Variants in EXOC4 observed in about 807,000 individuals in gnomAD.
EXOC4 encodes the protein exocyst complex component 4, also known as SEC8-like 1.
A neutral mutation model predicts 107.2 loss-of-function variants in EXOC4; 71 were observed. The observed-to-expected ratio is 0.66, with a 90% confidence interval of 0.55 to 0.81. EXOC4 has a LOEUF of 0.81. Among genes scored for constraint, EXOC4 ranks in the 30% least tolerant of loss-of-function variants. EXOC4 has a pLI of 0.00. For missense variants in EXOC4, 1,108 were observed against 1,189.6 expected (o/e 0.93, Z 1.01); for synonymous variants, 456 against 441.2 (o/e 1.03, Z -0.42).
Position 133,712,286 on chromosome 7 carries a change from G to A in EXOC4, c.1514+82145G>A, listed in dbSNP as rs184748676. Among the ~76,000 whole-genome samples the A allele has an allele frequency of 5.3e-3, 800 of 151,574 alleles. 7 individuals carry two copies. The highest frequency in any genetic ancestry group is 0.018 in the African/African-American group (743 of 41,356). On this transcript the variant is annotated intron_variant, in intron 10 of 17. Transcript: ENST00000253861. ...GAAACTCCATCTCTACTAAAAATAC[G>A]AAATTAGCTGGGCATGGTGGTACAT...
At chr7:133,536,545 G>C (rs1203541114) in intron 9 of EXOC4, among the ~76,000 whole-genome samples, 2 of 151,332 alleles carry the variant, frequency 1.3e-5, no homozygotes, top group African/African-American at 4.9e-5. Context: ...TATTTTATCT[G>C]TTCTTGTTTC....
intron 9 of EXOC4, among the ~76,000 whole-genome samples, chr7:133,618,229 A>G (rs974458253): frequency 1.9e-4 from 29 of 151,606 alleles, no homozygotes; most frequent in Admixed American, 1.8e-3. Flanking sequence ...AGTTATATAT[A>G]TATATTTATG....
At position 133,450,037 on chromosome 7, in the gene EXOC4, C is replaced by T. The variant is rs149225885; in HGVS notation, c.1183-25291C>T. 2.0e-5 allele frequency among the ~76,000 whole-genome samples: 3 copies of T among 152,220 alleles called. No homozygotes were observed. In the East Asian group the frequency reaches 5.8e-4, roughly 29 times the overall value. On this transcript the variant is annotated intron_variant, in intron 7 of 17. Transcript: ENST00000253861. The stretch of plus-strand genomic sequence containing the variant: ...CCCTTGTCCCCTCTTTAAAAAAAAT[C>T]TTATCCTGGTATCTTTTCCTTCCAG...
intron 4 of EXOC4, among the ~76,000 whole-genome samples, chr7:133,308,689 A>G (rs759421316): frequency 6.6e-5 from 10 of 152,220 alleles, no homozygotes; most frequent in Non-Finnish European, 1.2e-4. Context: ...CTGCAAGTTG[A>G]AAGAATTTAA....
At chr7:133,689,689 C>G (rs1486096226) in intron 10 of EXOC4, among the ~76,000 whole-genome samples, 1 of 152,126 alleles carries the variant, frequency 6.6e-6, no homozygotes, top group Non-Finnish European at 1.5e-5. Flanking sequence ...CTCAACTAAC[C>G]CAGTAGGATT....
At chr7:133,875,149 T>C (rs1314457221) in intron 11 of EXOC4, among the ~76,000 whole-genome samples, 1 of 152,206 alleles carries the variant, frequency 6.6e-6, no homozygotes, top group African/African-American at 2.4e-5. Flanking sequence ...TTTTCTAGTG[T>C]TATACTTGTT....
intron 11 of EXOC4, among the ~76,000 whole-genome samples, chr7:133,838,226 G>A (rs983516085): frequency 6.6e-6 from 1 of 152,182 alleles, no homozygotes; most frequent in Non-Finnish European, 1.5e-5. Context: ...TAGAGAGAAT[G>A]ATATGGGGCC....
chr7:133,767,420 T>C (rs993957359), intron 10 of EXOC4, among the ~76,000 whole-genome samples: 2 of 151,790 alleles, frequency 1.3e-5, no homozygotes, highest in East Asian at 3.9e-4. Context: ...TAGGCTCCAA[T>C]TAAACAGTGG....
rs1031390356 is a variant in EXOC4 at position 133,673,902 on chromosome 7, A to T, written c.1514+43761A>T. Among the ~76,000 whole-genome samples, 3 of 152,200 alleles carry T rather than the reference A, an allele frequency of 2.0e-5. No individual in the cohort carries two copies. In the South Asian group the frequency reaches 6.2e-4, roughly 32 times the overall value. On this transcript the variant is annotated intron_variant, in intron 10 of 17. Transcript: ENST00000253861. ...TAATTGACAAAGAACATGCATCCTC[A>T]TTCCTATTGTTAAAGCCACTCACAG...
intron 10 of EXOC4, among the ~76,000 whole-genome samples, chr7:133,712,069 A>G (rs73150889): frequency 0.077 from 11,681 of 152,182 alleles, 510 homozygotes; most frequent in Middle Eastern, 0.13. Context: ...TACCACAGTA[A>G]GGTGTTACTT....
At chr7:133,443,441 G>A (rs528496877) in intron 7 of EXOC4, among the ~76,000 whole-genome samples, 1 of 152,280 alleles carries the variant, frequency 6.6e-6, no homozygotes, top group East Asian at 1.9e-4. Context: ...AAATCAGCCT[G>A]TAGATCTGTG....
chr7:133,828,941 T>C (rs1797754887), intron 11 of EXOC4, among the ~76,000 whole-genome samples: 1 of 152,100 alleles, frequency 6.6e-6, no homozygotes, highest in Non-Finnish European at 1.5e-5. Flanking sequence ...AAAGGACACT[T>C]TATAATTGAG....
At chr7:133,789,994 A>G (rs1409434255) in intron 10 of EXOC4, among the ~76,000 whole-genome samples, 1 of 152,154 alleles carries the variant, frequency 6.6e-6, no homozygotes, top group Admixed American at 6.6e-5. Flanking sequence ...TAGATGAAAT[A>G]TATATTCTCA....
intron 1 of EXOC4, among the ~76,000 whole-genome samples, chr7:133,268,256 T>G (rs1289462240): frequency 6.6e-6 from 1 of 152,202 alleles, no homozygotes; most frequent in Non-Finnish European, 1.5e-5. Flanking sequence ...GTTTTAAAAT[T>G]CCAGAGCCTG....
intron 7 of EXOC4, among the ~76,000 whole-genome samples, chr7:133,469,625 C>T (rs1362542815): frequency 6.6e-6 from 1 of 152,150 alleles, no homozygotes; most frequent in African/African-American, 2.4e-5. Context: ...AACAAATACT[C>T]ATTTAAGCTA....
chr7:133,416,303 G>A (rs1292738198), intron 7 of EXOC4, among the ~76,000 whole-genome samples: 2 of 152,134 alleles, frequency 1.3e-5, no homozygotes, highest in African/African-American at 4.8e-5. Flanking sequence ...TCACCCATGT[G>A]AACAGTTTGA....
chr7:133,803,110 G>T (rs1217766513), intron 10 of EXOC4, among the ~76,000 whole-genome samples: 1 of 152,258 alleles, frequency 6.6e-6, no homozygotes, highest in African/African-American at 2.4e-5. Flanking sequence ...ATGACAATGA[G>T]CAATTTTATG....
intron 10 of EXOC4, among the ~76,000 whole-genome samples, chr7:133,719,957 C>T (rs1435839971): frequency 6.6e-6 from 1 of 152,082 alleles, no homozygotes; most frequent in Non-Finnish European, 1.5e-5. Context: ...CAAAGGAGTT[C>T]AGATTCATTG....
intron 10 of EXOC4, among the ~76,000 whole-genome samples, chr7:133,797,270 T>C (rs536976683): frequency 6.6e-6 from 1 of 152,194 alleles, no homozygotes; most frequent in Non-Finnish European, 1.5e-5. Context: ...AAAGATTTAT[T>C]GTGAGCATAT....
Sources: gnomAD v4.1 joint callset for allele counts (sites outside exome capture counted in the v4.1 genomes callset) on GRCh38, gnomAD v4.1.1 for gene constraint, MANE v1.5 for transcripts, NCBI Gene and HGNC (gene_info 2026-07-23, HGNC 2026-07-21) for gene names.